RNF180: variants seen among roughly 807,000 people sequenced by gnomAD.
RNF180 encodes the protein E3 ubiquitin-protein ligase RNF180.
Under a neutral mutation model 59.2 loss-of-function variants are expected in RNF180, and 38 were observed. The ratio of observed to expected loss-of-function variants is 0.64; its 90% CI spans 0.50 to 0.84. The LOEUF is 0.84. RNF180 is among the 40% of genes least tolerant of loss of function. The probability of loss-of-function intolerance (pLI) is 0.00; values close to 1 mark genes in which losing one functional copy is unlikely to be tolerated. For synonymous variants in RNF180, 262 were observed against 240.3 expected (o/e 1.09, Z -0.84); for missense variants, 705 against 700.9 (o/e 1.01, Z -0.07).
At chr5:64,243,599 A>G (rs1010923144) in intron 5 of RNF180, among the ~76,000 whole-genome samples, 2 of 152,128 alleles carry the variant, frequency 1.3e-5, no homozygotes, top group South Asian at 4.1e-4. Context: ...GGGCTTATAG[A>G]TACTTCTATA....
intron 5 of RNF180, among the ~76,000 whole-genome samples, chr5:64,240,585 A>G (rs949157998): frequency 2.0e-5 from 3 of 152,230 alleles, no homozygotes; most frequent in Admixed American, 6.5e-5. Context: ...TTTAACCATG[A>G]TGATTCCCTA....
intron 5 of RNF180, among the ~76,000 whole-genome samples, chr5:64,248,856 A>C (rs1192655471): frequency 6.6e-6 from 1 of 152,232 alleles, no homozygotes; most frequent in Admixed American, 6.5e-5. Flanking sequence ...AACCAACCCA[A>C]ATACCCTTCA....
chr5:64,254,966 T>C (rs1157227815), intron 5 of RNF180, among the ~76,000 whole-genome samples: 1 of 152,180 alleles, frequency 6.6e-6, no homozygotes, highest in East Asian at 1.9e-4. Context: ...CAACCTCCAG[T>C]TGTTCCTTAC....
In RNF180 at chr5:64,213,765, T is replaced by A. The variant is rs780641319; in HGVS notation, c.439T>A (p.Cys147Ser). The A allele has an allele frequency of 3.1e-6, 5 of 1,614,068 alleles. No individual in the cohort carries two copies. The African/African-American group carries it at 6.7e-5, about 22-fold the overall frequency. Reference protein sequence around the residue: ...YLSHPRVQSGCDKEALLTGGG... With the variant: ...YLSHPRVQSGSDKEALLTGGG... ...GTCACATCCTAGAGTTCAGTCAGGT[T>A]GTGACAAGGAAGCTCTGCTGACAGG... Residue 147 changes from cysteine to serine, a missense_variant, in exon 4 of 8, where the codon TGT (cysteine) becomes AGT (serine). Physicochemically the swap from Cys to Ser is moderately radical, Grantham distance 112. Coordinates refer to ENST00000389100, the MANE Select transcript of RNF180 (RefSeq NM_001113561.2).
chr5:64,247,264 G>T (rs1426018701), intron 5 of RNF180, among the ~76,000 whole-genome samples: 3 of 152,148 alleles, frequency 2.0e-5, no homozygotes, highest in Non-Finnish European at 2.9e-5. Flanking sequence ...TGTGGCCAGG[G>T]TAATCAAGCA....
At chr5:64,221,744 C>G (rs893164263) in intron 5 of RNF180, among the ~76,000 whole-genome samples, 2 of 152,126 alleles carry the variant, frequency 1.3e-5, no homozygotes, top group Non-Finnish European at 2.9e-5. Flanking sequence ...TAGCACAGTA[C>G]TTTGTACATA....
intron 5 of RNF180, among the ~76,000 whole-genome samples, chr5:64,305,002 T>A (rs1364599718): frequency 6.6e-6 from 1 of 151,680 alleles, no homozygotes; most frequent in African/African-American, 2.4e-5. Flanking sequence ...TATGACTTAC[T>A]GAAGGCTCAG....
chr5:64,211,190 G>A (rs1169273805), intron 2 of RNF180, among the ~76,000 whole-genome samples: 1 of 152,032 alleles, frequency 6.6e-6, no homozygotes, highest in African/African-American at 2.4e-5. Flanking sequence ...GAAAACTAGA[G>A]GAATATCTCA....
At chr5:64,215,435 A>G (rs1752565769) in intron 4 of RNF180, among the ~76,000 whole-genome samples, 2 of 152,196 alleles carry the variant, frequency 1.3e-5, no homozygotes, top group Non-Finnish European at 2.9e-5. Context: ...ATGAAATAAA[A>G]CTACTGCATT....
intron 5 of RNF180, among the ~76,000 whole-genome samples, chr5:64,296,425 G>T (rs1271038277): frequency 6.6e-6 from 1 of 152,094 alleles, no homozygotes; most frequent in Non-Finnish European, 1.5e-5. Context: ...AAATTTTATT[G>T]ACTCAAGACA....
At chr5:64,234,722 C>T (rs1300619935) in intron 5 of RNF180, among the ~76,000 whole-genome samples, 1 of 149,454 alleles carries the variant, frequency 6.7e-6, no homozygotes, top group East Asian at 2.1e-4. Flanking sequence ...GCCTCAGCCT[C>T]CCGAGTAGCT....
At chr5:64,253,363 C>A (rs1743707121) in intron 5 of RNF180, among the ~76,000 whole-genome samples, 1 of 150,760 alleles carries the variant, frequency 6.6e-6, no homozygotes, top group Admixed American at 6.6e-5. Flanking sequence ...TTGTTTATAT[C>A]CCTCTTGTCA....
At chr5:64,211,971 T>C in intron 2 of RNF180, 94 bp from the exon 3 acceptor site, 2 of 688,312 alleles carry the variant, frequency 2.9e-6, no homozygotes, top group East Asian at 2.8e-5. Context: ...CTAGCTAAAA[T>C]AGAATTTGTA....
chr5:64,219,662 C>A (rs933154083), intron 5 of RNF180, among the ~76,000 whole-genome samples: 1 of 149,940 alleles, frequency 6.7e-6, no homozygotes, highest in East Asian at 1.9e-4. Context: ...TACAAGCGCA[C>A]GCCACCACGC....
chr5:64,211,421 T>C (rs574360217), intron 2 of RNF180, among the ~76,000 whole-genome samples: 1 of 152,276 alleles, frequency 6.6e-6, no homozygotes, highest in South Asian at 2.1e-4. Flanking sequence ...TTATAAAGTT[T>C]ATAAGGACAG....
intron 7 of RNF180, among the ~76,000 whole-genome samples, chr5:64,347,677 A>G (rs1161633550): frequency 6.6e-6 from 1 of 152,196 alleles, no homozygotes; most frequent in Non-Finnish European, 1.5e-5. Context: ...GCATTCATTA[A>G]AATAGGATAA....
chr5:64,189,347 A>G (rs1355856710), intron 1 of RNF180, among the ~76,000 whole-genome samples: 2 of 152,168 alleles, frequency 1.3e-5, no homozygotes, highest in African/African-American at 4.8e-5. Context: ...GAAAAAGCCT[A>G]GATTAACTTG....
At chr5:64,231,731 A>G (rs1742112291) in intron 5 of RNF180, among the ~76,000 whole-genome samples, 1 of 152,208 alleles carries the variant, frequency 6.6e-6, no homozygotes, top group Non-Finnish European at 1.5e-5. Context: ...TCTCTGGAGA[A>G]TTCTGTGCCA....
intron 7 of RNF180, among the ~76,000 whole-genome samples, chr5:64,336,621 T>TTGAC (rs1745137482): frequency 6.6e-6 from 1 of 152,208 alleles, no homozygotes; most frequent in Admixed American, 6.5e-5. Flanking sequence ...ATGGAAAATG[T>TTGAC]TGACAGGGAA....
Sources: allele counts gnomAD v4.1 joint callset (sites outside exome capture counted in the v4.1 genomes callset), GRCh38; gene constraint gnomAD v4.1.1; transcripts MANE v1.5; gene names NCBI Gene and HGNC (gene_info 2026-07-23, HGNC 2026-07-21).